Variants in CDKAL1 observed in about 807,000 individuals in gnomAD.
CDKAL1 encodes CDKAL1 threonylcarbamoyladenosine tRNA methylthiotransferase.
Under a neutral mutation model 68.2 loss-of-function variants are expected in CDKAL1, and 32 were observed. The ratio of observed to expected loss-of-function variants is 0.47; its 90% CI spans 0.35 to 0.63. CDKAL1 has a LOEUF of 0.63. CDKAL1 is among the 30% of genes least tolerant of loss of function. The pLI is 0.00. For synonymous variants in CDKAL1, 234 were observed against 244.3 expected (o/e 0.96, Z 0.39); for missense variants, 606 against 696.7 (o/e 0.87, Z 1.47).
In CDKAL1 at chr6:21,196,676, C is replaced by T. The variant is rs140671093; in HGVS notation, c.1300-1345C>T. 4.6e-5 allele frequency among the ~76,000 whole-genome samples: 7 copies of T among 152,256 alleles called. No individual in the cohort carries two copies. In the East Asian group the frequency reaches 1.3e-3, roughly 29 times the overall value. On this transcript the variant is annotated intron_variant, in intron 13 of 15. Coordinates refer to ENST00000274695, the MANE Select transcript of CDKAL1 (RefSeq NM_017774.3). ...AGTGCAGCTGTGTTTATGTTTCCTT[C>T]ATGGTAACCGCCTGAACATGGTGAC...
intron 8 of CDKAL1, among the ~76,000 whole-genome samples, chr6:20,784,758 A>G (rs1775597343): frequency 6.6e-6 from 1 of 152,092 alleles, no homozygotes; most frequent in African/African-American, 2.4e-5. Context: ...TTCAATCTGT[A>G]GATATGGCAC....
rs530316454 is a variant in CDKAL1, at chr6:20,625,018, C to A, written c.287-24275C>A. 7.2e-5 allele frequency among the ~76,000 whole-genome samples: 11 copies of A among 152,120 alleles called. No homozygotes were observed. The South Asian group carries it at 2.1e-3, about 29-fold the overall frequency. On this transcript the variant is annotated intron_variant, in intron 4 of 15. Transcript: ENST00000274695. ...TTTTCTGAGTCCTAATGTGATTTCC[C>A]AGAATACCTAGCACATATAATTCAA... is the stretch of plus-strand genomic sequence containing the variant.
At chr6:21,022,850 T>G (rs561153492) in intron 11 of CDKAL1, among the ~76,000 whole-genome samples, 1 of 152,202 alleles carries the variant, frequency 6.6e-6, no homozygotes, top group African/African-American at 2.4e-5. Context: ...AGGAAGTGCG[T>G]TACTATTCAC....
chr6:21,212,186 C>G (rs1427010902), intron 15 of CDKAL1, among the ~76,000 whole-genome samples: 2 of 152,172 alleles, frequency 1.3e-5, no homozygotes, highest in Non-Finnish European at 2.9e-5. Flanking sequence ...AGTGCAGTGC[C>G]TGTTTCATGG....
chr6:21,042,457 A>G (rs1769985427), intron 11 of CDKAL1, among the ~76,000 whole-genome samples: 1 of 152,172 alleles, frequency 6.6e-6, no homozygotes, highest in Non-Finnish European at 1.5e-5. Context: ...GTACTCTGGT[A>G]GATGTCTTGG....
intron 12 of CDKAL1, among the ~76,000 whole-genome samples, chr6:21,067,327 A>T (rs2150936014): frequency 6.6e-6 from 1 of 152,066 alleles, no homozygotes. Context: ...GTTTTTGGGG[A>T]TTTGTTTGTT....
intron 9 of CDKAL1, among the ~76,000 whole-genome samples, chr6:20,873,888 G>A (rs920375645): frequency 2.0e-5 from 3 of 152,122 alleles, no homozygotes; most frequent in African/African-American, 7.2e-5. Context: ...GCAGTGCATC[G>A]AGTTGCTAAG....
At chr6:21,032,656 A>G (rs544868820) in intron 11 of CDKAL1, among the ~76,000 whole-genome samples, 2 of 152,306 alleles carry the variant, frequency 1.3e-5, no homozygotes, top group Non-Finnish European at 2.9e-5. Context: ...AGATGTGTGT[A>G]GATACACAGA....
At chr6:20,921,084 C>A (rs895772296) in intron 9 of CDKAL1, among the ~76,000 whole-genome samples, 2 of 152,124 alleles carry the variant, frequency 1.3e-5, no homozygotes, top group Admixed American at 6.6e-5. Context: ...CATAATTTAT[C>A]TTTGAGCCGT....
intron 5 of CDKAL1, among the ~76,000 whole-genome samples, chr6:20,708,884 G>A (rs571899906): frequency 1.3e-5 from 2 of 152,060 alleles, no homozygotes; most frequent in South Asian, 4.2e-4. Context: ...GAGTGACAGA[G>A]TTTACCAAGT....
chr6:21,056,488 C>T (rs1770841372), intron 11 of CDKAL1, among the ~76,000 whole-genome samples: 1 of 152,166 alleles, frequency 6.6e-6, no homozygotes, highest in Admixed American at 6.5e-5. Flanking sequence ...GTTTGACTTC[C>T]TCTCTTCCTA....
intron 5 of CDKAL1, among the ~76,000 whole-genome samples, chr6:20,720,656 G>A (rs1772305153): frequency 1.3e-5 from 2 of 152,028 alleles, no homozygotes; most frequent in African/African-American, 4.8e-5. Context: ...TACGCCACCA[G>A]GCCTGGCTAA....
intron 13 of CDKAL1, among the ~76,000 whole-genome samples, chr6:21,190,488 C>T (rs1778190658): frequency 6.6e-6 from 1 of 152,128 alleles, no homozygotes; most frequent in African/African-American, 2.4e-5. Context: ...CTGCCTCAGC[C>T]TCCCGAGTAG....
chr6:20,863,050 C>T (rs1429394036), intron 9 of CDKAL1, among the ~76,000 whole-genome samples: 1 of 152,160 alleles, frequency 6.6e-6, no homozygotes, highest in Non-Finnish European at 1.5e-5. Flanking sequence ...AGAGGAAACA[C>T]TGGACTATAT....
In CDKAL1 at chr6:20,591,100, A is replaced by G. The variant is rs534188620; in HGVS notation, c.286+42395A>G. ...TGTGGTTTTGATTTGCATTTCTCCA[A>G]TGACCAGTGATGATGAGCTTTTTTT... On this transcript the variant is annotated intron_variant, in intron 4 of 15. Transcript: ENST00000274695. 3.7e-3 allele frequency among the ~76,000 whole-genome samples: 566 copies of G among 152,314 alleles called. 3 individuals are homozygous for G. Among genetic ancestry groups the G allele is most frequent in the Non-Finnish European group, 6.0e-3 (405 of 68,026 alleles).
chr6:20,694,046 GTGTGTGTGTGTGTGTA>G (rs374194856), intron 5 of CDKAL1, among the ~76,000 whole-genome samples: 2,645 of 86,412 alleles, frequency 0.031, 71 homozygotes, highest in African/African-American at 0.11. Context: ...CTAACTTTGT[GTGTGTGTGTGTGTGTA>G]TGTGTGTGTG....
chr6:21,082,973 A>G (rs931360581), intron 12 of CDKAL1, among the ~76,000 whole-genome samples: 4 of 148,694 alleles, frequency 2.7e-5, no homozygotes, highest in Non-Finnish European at 5.9e-5. Flanking sequence ...TCCTGGGCTC[A>G]TACAGTTCTC....
In CDKAL1 at chr6:20,548,720, A is replaced by G. The variant is rs1763701919; in HGVS notation, c.286+15A>G. 1 of 1,130,716 alleles carries G rather than the reference A, an allele frequency of 8.8e-7. No homozygotes were observed. Among genetic ancestry groups the G allele is most frequent in the African/African-American group, 1.6e-5 (1 of 63,678 alleles). The allele number at this position is 1,130,716 out of a possible 1,614,324, so 70.0% of individuals were successfully genotyped here. On this transcript the variant is annotated intron_variant, in intron 4 of 15. Transcript: ENST00000274695. Reference sequence around the variant, plus strand: ...TAAAATTACAGGTAATGAGATCTATAATATATTTTATTGATTAAATTTTTC... The same window carrying G: ...TAAAATTACAGGTAATGAGATCTATGATATATTTTATTGATTAAATTTTTC...
intron 2 of CDKAL1, among the ~76,000 whole-genome samples, chr6:20,535,764 T>C (rs1763142529): frequency 6.6e-6 from 1 of 152,174 alleles, no homozygotes; most frequent in Admixed American, 6.5e-5. Flanking sequence ...ACCTCTGTTC[T>C]CTTTTTCTTC....
Sources: allele counts gnomAD v4.1 joint callset (sites outside exome capture counted in the v4.1 genomes callset), GRCh38; gene constraint gnomAD v4.1.1; transcripts MANE v1.5; gene names NCBI Gene and HGNC (gene_info 2026-07-23, HGNC 2026-07-21).